The following NTNG1 variants were observed in gnomAD, a reference collection of about 807,000 sequenced individuals.
NTNG1 encodes the protein netrin-G1.
A neutral mutation model predicts 54.0 loss-of-function variants in NTNG1; 16 were observed. The ratio of observed to expected loss-of-function variants is 0.30; its 90% CI spans 0.20 to 0.45. The LOEUF (loss-of-function observed/expected upper bound fraction) is 0.45. Among genes scored for constraint, NTNG1 ranks in the 20% least tolerant of loss-of-function variants. The pLI, the probability that NTNG1 is intolerant of heterozygous loss-of-function variation, is 1.00. For missense variants in NTNG1, 530 were observed against 678.7 expected, an observed-to-expected ratio of 0.78 and a Z score of 2.43; for synonymous variants, 255 against 263.1, an observed-to-expected ratio of 0.97 and a Z score of 0.30.
intron 4 of NTNG1, among the ~76,000 whole-genome samples, chr1:107,405,738 G>A (rs1673375130): frequency 6.6e-6 from 1 of 152,084 alleles, no homozygotes. Context: ...CATTCTCTTT[G>A]ATGGATTACA....
intron 1 of NTNG1, chr1:107,141,440 A>T (rs1256495025): frequency 1.3e-5 from 2 of 149,074 alleles, no homozygotes; most frequent in African/African-American, 4.9e-5. Flanking sequence ...CGCCCGGCGC[A>T]AGGGCAAACG....
rs1018235999 is a variant in NTNG1, at chr1:107,216,834, C to T, written c.246+67995C>T. On this transcript the variant is annotated intron_variant, in intron 2 of 7. Transcript: ENST00000370068. ...CTGGGACTACAGGCATGTACCACCA[C>T]GACCAGCTTAATTTTTGTATTTTTA... Among the ~76,000 whole-genome samples, 8 of 152,070 alleles carry T rather than the reference C, an allele frequency of 5.3e-5. 1 individual carries two copies. The highest frequency in any genetic ancestry group is 2.1e-4 in the South Asian group (1 of 4,812).
intron 2 of NTNG1, among the ~76,000 whole-genome samples, chr1:107,154,159 G>A (rs1237308591): frequency 1.3e-5 from 2 of 152,058 alleles, no homozygotes; most frequent in African/African-American, 4.8e-5. Context: ...TATACAGAGG[G>A]TAGAAGAATA....
intron 2 of NTNG1, among the ~76,000 whole-genome samples, chr1:107,294,697 A>G (rs1665838277): frequency 1.3e-5 from 2 of 152,178 alleles, no homozygotes; most frequent in African/African-American, 4.8e-5. Context: ...GGTGAGATTC[A>G]TGTTTAAGAG....
At chr1:107,380,149 C>A (rs959303333) in intron 3 of NTNG1, among the ~76,000 whole-genome samples, 3 of 152,180 alleles carry the variant, frequency 2.0e-5, no homozygotes, top group African/African-American at 7.2e-5. Flanking sequence ...AATGATGCTA[C>A]CCACTTTTTA....
At chr1:107,403,702 C>CA (rs35555244) in intron 4 of NTNG1, 21,779 of 133,802 alleles carry the variant, frequency 0.16, 1,667 homozygotes, top group Admixed American at 0.19. Context: ...AAGACTCTGT[C>CA]AAAAAAAAAA....
chr1:107,387,403 C>A (rs565517180), intron 3 of NTNG1, among the ~76,000 whole-genome samples: 1 of 152,186 alleles, frequency 6.6e-6, no homozygotes, highest in South Asian at 2.1e-4. Flanking sequence ...CTGGTGAGCT[C>A]TACAGTGTTT....
chr1:107,247,266 G>T (rs1662266965), intron 2 of NTNG1, among the ~76,000 whole-genome samples: 1 of 152,030 alleles, frequency 6.6e-6, no homozygotes, highest in Admixed American at 6.6e-5. Context: ...TTAATTAGCT[G>T]GTCTTTTCTT....
chr1:107,421,267 T>C (rs1360738061), intron 5 of NTNG1: 3 of 658,108 alleles, frequency 4.6e-6, no homozygotes, highest in Non-Finnish European at 8.2e-6. Flanking sequence ...TGTTGACTAA[T>C]ATCAATCAAT....
intron 2 of NTNG1, among the ~76,000 whole-genome samples, chr1:107,261,842 C>CA (rs1317322509): frequency 2.0e-5 from 3 of 151,968 alleles, no homozygotes; most frequent in Non-Finnish European, 4.4e-5. Context: ...GACTCCGTCT[C>CA]AAAAAACAAA....
At chr1:107,474,459 T>C (rs1408946171) in intron 7 of NTNG1, among the ~76,000 whole-genome samples, 1 of 152,248 alleles carries the variant, frequency 6.6e-6, no homozygotes, top group Non-Finnish European at 1.5e-5. Context: ...ATGCCAGTAC[T>C]ATCAACTCAT....
intron 5 of NTNG1, among the ~76,000 whole-genome samples, chr1:107,425,746 A>C (rs1399647562): frequency 6.6e-6 from 1 of 152,100 alleles, no homozygotes; most frequent in Non-Finnish European, 1.5e-5. Flanking sequence ...GTTCTTTGAG[A>C]TATCTCCATA....
chr1:107,196,542 T>C (rs988796536), intron 2 of NTNG1, among the ~76,000 whole-genome samples: 2 of 151,992 alleles, frequency 1.3e-5, no homozygotes, highest in Non-Finnish European at 2.9e-5. Flanking sequence ...GGGTCCTGTC[T>C]TCTGTTTAAT....
rs544401187 is a variant in NTNG1, at chr1:107,148,224, C to T, written c.-370C>T. On this transcript the variant is annotated 5_prime_UTR_variant, in exon 2 of 8. The change creates a new upstream start codon in the 5' untranslated region. Coordinates refer to ENST00000370068, the MANE Select transcript of NTNG1 (RefSeq NM_001113226.3). ...TCACTCAGGGTTATCGGATGTACAA[C>T]GGGAGAGCCATCGCTTTGCTAAATT... 2.3e-4 allele frequency: 44 copies of T among 188,026 alleles called. No individual in the cohort carries two copies. Among genetic ancestry groups the T allele is most frequent in the African/African-American group, 7.1e-4 (30 of 42,156 alleles). The allele number at this position is 188,026 out of a possible 1,614,324, so 11.6% of individuals were successfully genotyped here. A position where few individuals can be genotyped will look rare whatever the true frequency, so the allele number is the denominator to read the frequency against.
chr1:107,414,314 G>A (rs185720116), intron 5 of NTNG1, among the ~76,000 whole-genome samples: 6 of 152,072 alleles, frequency 3.9e-5, no homozygotes, highest in Non-Finnish European at 7.4e-5. Flanking sequence ...TTTCAAGTGC[G>A]ACCACTAAAT....
chr1:107,285,873 T>G (rs1259908117), intron 2 of NTNG1, among the ~76,000 whole-genome samples: 1 of 152,126 alleles, frequency 6.6e-6, no homozygotes, highest in Admixed American at 6.6e-5. Flanking sequence ...TCATTTGTTG[T>G]TTTTCCCTTT....
At chr1:107,264,464 A>G (rs993686064) in intron 2 of NTNG1, among the ~76,000 whole-genome samples, 8 of 152,200 alleles carry the variant, frequency 5.3e-5, no homozygotes, top group Non-Finnish European at 1.0e-4. Flanking sequence ...CAATCTTATG[A>G]CAATCTATGT....
In NTNG1 at chr1:107,150,718, T is replaced by C. The variant is rs551286006; in HGVS notation, c.246+1879T>C. ...CCAGAGAATGCTTGCTTAGCACTGC[T>C]CCTGTCTGTCATGTTGAAGGGTTTA... On this transcript the variant is annotated intron_variant, in intron 2 of 7. Coordinates refer to ENST00000370068, the MANE Select transcript of NTNG1 (RefSeq NM_001113226.3). Among the ~76,000 whole-genome samples the C allele has an allele frequency of 2.6e-5, 4 of 152,298 alleles. No individual in the cohort carries two copies. The East Asian group carries it at 7.7e-4, about 29-fold the overall frequency.
At chr1:107,300,529 G>C (rs926047572) in intron 2 of NTNG1, among the ~76,000 whole-genome samples, 1 of 152,074 alleles carries the variant, frequency 6.6e-6, no homozygotes. Flanking sequence ...CATCTAAATG[G>C]CTATTATAAT....
Sources: allele counts gnomAD v4.1 joint callset (sites outside exome capture counted in the v4.1 genomes callset), GRCh38; gene constraint gnomAD v4.1.1; transcripts MANE v1.5; gene names NCBI Gene and HGNC (gene_info 2026-07-23, HGNC 2026-07-21).